Variants in ING3 observed in about 807,000 individuals in gnomAD.
ING3 encodes the protein inhibitor of growth family member 3, also known as inhibitor of growth protein 3.
A neutral mutation model predicts 64.8 loss-of-function variants in ING3; 6 were observed. The observed-to-expected ratio is 0.09, with a 90% CI of 0.05 to 0.18. The LOEUF (loss-of-function observed/expected upper bound fraction) is 0.18, where lower values mean the gene tolerates loss of function less well. ING3 is among the 10% of genes least tolerant of loss of function. ING3 has a pLI of 1.00. For missense variants in ING3, 310 were observed against 489.7 expected, an observed-to-expected ratio of 0.63 and a Z score of 3.46; for synonymous variants, 170 against 173.7, an observed-to-expected ratio of 0.98 and a Z score of 0.17.
chr7:120,958,581 T>C (rs895076422), intron 4 of ING3, among the ~76,000 whole-genome samples: 1 of 152,240 alleles, frequency 6.6e-6, no homozygotes, highest in African/African-American at 2.4e-5. Flanking sequence ...CCCTTTCCTA[T>C]TCAATCAAGA....
chr7:120,968,240 T>G, intron 8 of ING3, 149 bp downstream of exon 8: 1 of 785,820 alleles, frequency 1.3e-6, no homozygotes, highest in Non-Finnish European at 2.0e-6. Flanking sequence ...GATATTTTAT[T>G]TAATGAAATA....
rs760946615 is a variant in ING3, at chr7:120,974,858, G to T, written c.*14G>T. ...AGACACAAATAAAGGTGGTCCTTTT[G>T]TTTGATGAAGAAATAAACTTCAGCT... is the stretch of plus-strand genomic sequence containing the variant. On this transcript the variant is annotated 3_prime_UTR_variant, in exon 12 of 12. Coordinates refer to ENST00000315870, the MANE Select transcript of ING3 (RefSeq NM_019071.3). 9.7e-6 allele frequency: 15 copies of T among 1,541,062 alleles called. No individual in the cohort carries two copies. The highest frequency in any genetic ancestry group is 1.3e-5 in the Non-Finnish European group (15 of 1,122,632).
At chr7:120,967,696 G>A in intron 7 of ING3, 48 bp downstream of exon 7, 1 of 1,530,280 alleles carries the variant, frequency 6.5e-7, no homozygotes, top group Non-Finnish European at 8.9e-7. Flanking sequence ...TTGTGTTAGA[G>A]TAAGGGGAAA....
rs1796059776 is a variant in ING3, at chr7:120,970,691, C to T, written c.912C>T (p.Asn304=). ...AAACTTATACTATTTTTTTCAGAAA[C>T]AACAACAAGTCTTCAAGCCAGCAGT... ...ADSRSGRKSK[N]NNKSSSQQSS... is the part of the protein sequence containing the mutation. Residue 304 remains asparagine (N), a synonymous_variant, in exon 10 of 12, where the codon AAC becomes AAT. Coordinates refer to ENST00000315870, the MANE Select transcript of ING3 (RefSeq NM_019071.3). The T allele has an allele frequency of 6.2e-7, 1 of 1,612,714 alleles. No homozygotes were observed. The highest frequency in any genetic ancestry group is 8.5e-7 in the Non-Finnish European group (1 of 1,179,422).
At chr7:120,957,047 G>A (rs112858791) in intron 4 of ING3, 6,724 of 228,118 alleles carry the variant, frequency 0.029, 493 homozygotes, top group African/African-American at 0.15. Flanking sequence ...TGAAAAAAGG[G>A]AGCTGTACCT....
intron 4 of ING3, among the ~76,000 whole-genome samples, chr7:120,962,277 T>G (rs1018608833): frequency 5.9e-5 from 9 of 152,166 alleles, no homozygotes; most frequent in African/African-American, 1.9e-4. Context: ...ATAATATTAA[T>G]CAGGTCATAA....
At chr7:120,956,237 G>A in intron 4 of ING3, 1 of 1,573,540 alleles carries the variant, frequency 6.4e-7, no homozygotes, top group Non-Finnish European at 8.6e-7. Context: ...CAATTGTGGT[G>A]CTCTTTTTCA....
In ING3 at chr7:120,950,852, A is replaced by C; in HGVS notation, c.-45A>C. On this transcript the variant is annotated 5_prime_UTR_variant, in exon 1 of 12. Coordinates refer to ENST00000315870, the MANE Select transcript of ING3 (RefSeq NM_019071.3). ...AACTCCGGCGACAGCGAGTGACACA[A>C]ATAAACCCCTGGACCCCCTTGTTCC... The C allele has an allele frequency of 6.2e-7, 1 of 1,611,470 alleles. No individual in the cohort carries two copies. The highest frequency in any genetic ancestry group is 8.5e-7 in the Non-Finnish European group (1 of 1,178,512).
intron 10 of ING3, among the ~76,000 whole-genome samples, chr7:120,971,860 A>G (rs984455072): frequency 1.3e-5 from 2 of 152,124 alleles, no homozygotes; most frequent in African/African-American, 4.8e-5. Context: ...CTAGAAATTT[A>G]TTACCAAAAA....
rs1434392681 is a variant in ING3 at position 120,970,732 on chromosome 7, C to T, written c.953C>T (p.Ser318Phe). Residue 318 changes from serine to phenylalanine, a missense_variant, in exon 10 of 12, where the codon TCC becomes TTC. Ser to Phe is a radical substitution (Grantham distance 155). Coordinates refer to ENST00000315870, the MANE Select transcript of ING3 (RefSeq NM_019071.3). The part of the protein sequence containing the change: ...SSSQQSSSSS[S>F]SSSLSSCSSS... ...AGCCAGCAGTCATCATCTTCCTCCT[C>T]CTCTTCTTCCTTATCATCGTGTTCT... 5.0e-6 allele frequency: 8 copies of T among 1,613,044 alleles called. No homozygotes were observed. The highest frequency in any genetic ancestry group is 6.8e-6 in the Non-Finnish European group (8 of 1,179,188).
intron 4 of ING3, among the ~76,000 whole-genome samples, chr7:120,963,437 T>C (rs1795958994): frequency 6.9e-6 from 1 of 144,634 alleles, no homozygotes; most frequent in African/African-American, 2.6e-5. Context: ...TTCTGAAGAA[T>C]GTTTTTCAAA....
intron 4 of ING3, among the ~76,000 whole-genome samples, chr7:120,962,028 G>A (rs1198018468): frequency 6.6e-6 from 1 of 152,152 alleles, no homozygotes; most frequent in Non-Finnish European, 1.5e-5. Context: ...GGACAACATG[G>A]TGATCAGCTA....
chr7:120,956,562 A>G, intron 4 of ING3: 2 of 1,003,002 alleles, frequency 2.0e-6, no homozygotes, highest in Non-Finnish European at 2.4e-6. Flanking sequence ...TGTAGTACAC[A>G]CATTTTAATG....
rs747675426 is a variant in ING3, at chr7:120,955,627, A to G, written c.267+3A>G. ...TGGCAAACCAGATATATGACTTGGT[A>G]AGTAAAAGTAATGTGCATACTGTGC... is the stretch of plus-strand genomic sequence containing the variant. On this transcript the variant is annotated splice_donor_region_variant and intron_variant, in intron 4 of 11. Transcript: ENST00000315870. The G allele has an allele frequency of 6.3e-7, 1 of 1,586,426 alleles. No individual in the cohort carries two copies.
chr7:120,970,418 T>C (rs1409547503), intron 9 of ING3, among the ~76,000 whole-genome samples: 1 of 147,790 alleles, frequency 6.8e-6, no homozygotes, highest in East Asian at 2.0e-4. Context: ...TGTGCAGAGA[T>C]CGCGCCACTG....
chr7:120,966,885 C>T (rs577439242), intron 6 of ING3, among the ~76,000 whole-genome samples, 188 bp downstream of exon 6: 98 of 151,844 alleles, frequency 6.5e-4, no homozygotes, highest in African/African-American at 2.3e-3. Context: ...AATGAGTATT[C>T]TGTTTTCTCT....
At chr7:120,953,097 A>G (rs1448689592) in intron 2 of ING3, among the ~76,000 whole-genome samples, 1 of 152,184 alleles carries the variant, frequency 6.6e-6, no homozygotes, top group African/African-American at 2.4e-5. Flanking sequence ...AAAAACAAAA[A>G]TAATCTGTCA....
rs552579938 is a variant in ING3, at chr7:120,961,054, T to C, written c.268-3688T>C. On this transcript the variant is annotated intron_variant, in intron 4 of 11. Transcript: ENST00000315870. ...ATGGTTATATTTCAGATGCACATTTTACCTATAAATTTGAGAGTTTTCATC... is the reference window on the plus strand; with the variant it reads ...ATGGTTATATTTCAGATGCACATTTCACCTATAAATTTGAGAGTTTTCATC... Among the ~76,000 whole-genome samples the C allele has an allele frequency of 3.3e-5, 5 of 152,288 alleles. No individual in the cohort carries two copies. In the East Asian group the frequency reaches 9.6e-4, roughly 29 times the overall value.
chr7:120,963,419 TTA>T (rs1795958207), intron 4 of ING3, among the ~76,000 whole-genome samples: 1 of 151,362 alleles, frequency 6.6e-6, no homozygotes, highest in South Asian at 2.1e-4. Context: ...TATACTTGAG[TTA>T]TATTATTCTG....
Sources: allele counts gnomAD v4.1 joint callset (sites outside exome capture counted in the v4.1 genomes callset), GRCh38; gene constraint gnomAD v4.1.1; transcripts MANE v1.5; gene names NCBI Gene and HGNC (gene_info 2026-07-23, HGNC 2026-07-21).